Variants in NEBL observed in about 807,000 individuals in gnomAD.
NEBL encodes the protein nebulette.
In NEBL, 122 loss-of-function variants were observed where a neutral mutation model predicts 140.2. That is an observed-to-expected ratio of 0.87 (90% CI 0.75 to 1.01). The LOEUF (loss-of-function observed/expected upper bound fraction) is 1.01, where lower values mean the gene tolerates loss of function less well. Among genes scored for constraint, NEBL ranks in the 50% least tolerant of loss-of-function variants. The pLI is 0.00. For missense variants in NEBL, 1,365 were observed against 1,231.3 expected, an observed-to-expected ratio of 1.11 and a Z score of -1.62; for synonymous variants, 436 against 398.9, an observed-to-expected ratio of 1.09 and a Z score of -1.11.
At chr10:21,291,877 G>A (rs1392763204) in intron 1 of NEBL, among the ~76,000 whole-genome samples, 2 of 152,206 alleles carry the variant, frequency 1.3e-5, no homozygotes, top group East Asian at 3.8e-4. Context: ...CTGCACTCCA[G>A]CCAGGGAACA....
intron 3 of NEBL, among the ~76,000 whole-genome samples, chr10:21,015,022 C>T (rs1050244989): frequency 2.6e-5 from 4 of 152,006 alleles, no homozygotes; most frequent in South Asian, 2.1e-4. Flanking sequence ...ATCGTATCTG[C>T]CCTCATAAAT....
intron 3 of NEBL, among the ~76,000 whole-genome samples, chr10:21,241,860 C>T (rs1842443790): frequency 6.6e-6 from 1 of 152,234 alleles, no homozygotes; most frequent in Non-Finnish European, 1.5e-5. Flanking sequence ...GATTCCATTT[C>T]TGTCTTAGTA....
chr10:21,197,682 G>A (rs1180366138), intron 3 of NEBL, among the ~76,000 whole-genome samples: 2 of 152,102 alleles, frequency 1.3e-5, no homozygotes, highest in Admixed American at 6.6e-5. Flanking sequence ...GAAACACATA[G>A]ACCCTAGATT....
intron 2 of NEBL, among the ~76,000 whole-genome samples, chr10:21,025,709 G>A (rs913191241): frequency 2.0e-5 from 3 of 152,044 alleles, no homozygotes; most frequent in Non-Finnish European, 4.4e-5. Context: ...AAAGTGCCTG[G>A]GTTTGTACTT....
At chr10:20,835,798 C>G (rs1224802934) in intron 13 of NEBL, among the ~76,000 whole-genome samples, 175 bp from the exon 14 acceptor site, 3 of 152,204 alleles carry the variant, frequency 2.0e-5, no homozygotes, top group Non-Finnish European at 4.4e-5. Flanking sequence ...GAATGATAAT[C>G]TCATTCTCAC....
At chr10:21,076,518 C>CA (rs796291263) in intron 2 of NEBL, among the ~76,000 whole-genome samples, 13 of 137,510 alleles carry the variant, frequency 9.5e-5, no homozygotes, top group East Asian at 4.4e-4. Flanking sequence ...GGCATATAAC[C>CA]AAAAAAAAAC....
intron 2 of NEBL, among the ~76,000 whole-genome samples, chr10:21,092,102 C>T (rs1313645361): frequency 1.3e-5 from 2 of 152,190 alleles, no homozygotes; most frequent in African/African-American, 2.4e-5. Flanking sequence ...TGGAAGAGTT[C>T]TGTTCTCAAT....
intron 2 of NEBL, among the ~76,000 whole-genome samples, chr10:21,166,247 AAAAGAAAAAAAAATT>A (rs1840766493): frequency 9.9e-6 from 1 of 100,724 alleles, no homozygotes; most frequent in African/African-American, 4.7e-5. Context: ...AAAAAAAAAG[AAAAGAAAAAAAAATT>A]TTCTACATCA....
chr10:20,869,602 A>AG (rs942280849), intron 6 of NEBL, 138 bp downstream of exon 6: 26 of 693,878 alleles, frequency 3.7e-5, no homozygotes, highest in East Asian at 2.7e-5. Context: ...TAGATAATTT[A>AG]GGGGGGGAAA....
At chr10:20,967,941 T>C (rs1183271709) in intron 3 of NEBL, among the ~76,000 whole-genome samples, 2 of 152,042 alleles carry the variant, frequency 1.3e-5, no homozygotes, top group Non-Finnish European at 2.9e-5. Context: ...AACCCAGAGA[T>C]TAGACAAAAA....
At chr10:20,819,778 G>A (rs1302118940) in intron 19 of NEBL, among the ~76,000 whole-genome samples, 2 of 152,060 alleles carry the variant, frequency 1.3e-5, no homozygotes, top group African/African-American at 2.4e-5. Context: ...AGGCTGGAGT[G>A]CAGTGGCGTC....
chr10:21,227,708 TTCTTTCTTCTTCTTCTTCTTCTTC>T (rs1842178827), intron 3 of NEBL, among the ~76,000 whole-genome samples: 6 of 80,988 alleles, frequency 7.4e-5, no homozygotes, highest in African/African-American at 2.0e-4. Flanking sequence ...CTTCTTCTTC[TTCTTTCTTCTTCTTCTTCTTCTTC>T]TTCTTCTTCT....
intron 2 of NEBL, among the ~76,000 whole-genome samples, chr10:21,163,647 C>A (rs1217143189): frequency 6.6e-6 from 1 of 152,180 alleles, no homozygotes; most frequent in African/African-American, 2.4e-5. Flanking sequence ...GTTGCACCTG[C>A]CTTTGATGGA....
chr10:20,796,294 G>A (rs1243349424), intron 26 of NEBL, among the ~76,000 whole-genome samples: 1 of 147,100 alleles, frequency 6.8e-6, no homozygotes, highest in Non-Finnish European at 1.5e-5. Flanking sequence ...AGGAGGCAGA[G>A]GTTGCAGTGA....
chr10:21,058,109 C>T (rs944559871), intron 2 of NEBL, among the ~76,000 whole-genome samples: 3 of 152,188 alleles, frequency 2.0e-5, no homozygotes, highest in African/African-American at 4.8e-5. Context: ...CTAACAGCTA[C>T]TATCAATGTG....
At chr10:21,259,001 A>T (rs1466095475) in intron 1 of NEBL, among the ~76,000 whole-genome samples, 1 of 152,136 alleles carries the variant, frequency 6.6e-6, no homozygotes, top group Non-Finnish European at 1.5e-5. Flanking sequence ...ACAGATGACG[A>T]AAGTGAAGGC....
At chr10:20,920,929 T>G (rs559923559) in intron 4 of NEBL, among the ~76,000 whole-genome samples, 1 of 152,368 alleles carries the variant, frequency 6.6e-6, no homozygotes, top group South Asian at 2.1e-4. Context: ...GTCCATTTAT[T>G]TCTAGCCAGC....
At chr10:21,110,633 A>C (rs774900477) in intron 2 of NEBL, 2 of 374,704 alleles carry the variant, frequency 5.3e-6, no homozygotes, top group Non-Finnish European at 1.0e-5. Flanking sequence ...AGCAGTAATC[A>C]TTTATCTCCA....
At chr10:20,982,432 C>T (rs1223947603) in intron 3 of NEBL, among the ~76,000 whole-genome samples, 2 of 152,130 alleles carry the variant, frequency 1.3e-5, no homozygotes, top group Non-Finnish European at 2.9e-5. Flanking sequence ...ACTATTTGAG[C>T]TTCTGGTGAT....
Sources: allele counts gnomAD v4.1 joint callset (sites outside exome capture counted in the v4.1 genomes callset), GRCh38; gene constraint gnomAD v4.1.1; transcripts MANE v1.5; gene names NCBI Gene and HGNC (gene_info 2026-07-23, HGNC 2026-07-21).